BAZ2B: variants seen among roughly 807,000 people sequenced by gnomAD.
BAZ2B encodes the protein bromodomain adjacent to zinc finger domain protein 2B.
Under a neutral mutation model 246.0 loss-of-function variants are expected in BAZ2B, and 91 were observed. The ratio of observed to expected loss-of-function variants is 0.37; its 90% CI spans 0.31 to 0.44. The LOEUF is 0.44. BAZ2B is among the 20% of genes least tolerant of loss of function. The pLI is 1.00. For synonymous variants in BAZ2B, 855 were observed against 860.0 expected, an observed-to-expected ratio of 0.99 and a Z score of 0.10; for missense variants, 2,332 against 2,533.7, an observed-to-expected ratio of 0.92 and a Z score of 1.71.
chr2:159,488,163 C>T (rs540227906), intron 2 of BAZ2B, among the ~76,000 whole-genome samples: 2 of 152,116 alleles, frequency 1.3e-5, no homozygotes, highest in African/African-American at 2.4e-5. Flanking sequence ...ATCTCCACCT[C>T]CTGGGTTCCA....
chr2:159,599,851 G>C (rs1396806685), intron 1 of BAZ2B, among the ~76,000 whole-genome samples: 2 of 150,676 alleles, frequency 1.3e-5, no homozygotes, highest in Non-Finnish European at 3.0e-5. Context: ...CAGGAGAATG[G>C]CGTGAACCCG....
At chr2:159,487,432 T>C (rs556712644) in intron 2 of BAZ2B, among the ~76,000 whole-genome samples, 1 of 152,220 alleles carries the variant, frequency 6.6e-6, no homozygotes, top group Non-Finnish European at 1.5e-5. Flanking sequence ...CTCCAGTTCT[T>C]AATAACATGG....
chr2:159,602,621 G>C (rs1398810170), intron 1 of BAZ2B, among the ~76,000 whole-genome samples: 1 of 152,078 alleles, frequency 6.6e-6, no homozygotes, highest in Non-Finnish European at 1.5e-5. Context: ...TAAGTTGTAG[G>C]ATTGAAACAG....
intron 2 of BAZ2B, among the ~76,000 whole-genome samples, chr2:159,541,278 T>C (rs1362664295): frequency 1.3e-5 from 2 of 151,338 alleles, no homozygotes; most frequent in Admixed American, 1.3e-4. Context: ...ATTATTATTA[T>C]TATTATTATT....
chr2:159,454,424 C>T (rs1213280360), intron 3 of BAZ2B, among the ~76,000 whole-genome samples: 1 of 152,194 alleles, frequency 6.6e-6, no homozygotes, highest in Admixed American at 6.5e-5. Context: ...CAGTCTACCA[C>T]ACACCTAGGC....
At chr2:159,332,356 G>C (rs559649331) in intron 34 of BAZ2B, among the ~76,000 whole-genome samples, 184 bp downstream of exon 34, 1 of 151,700 alleles carries the variant, frequency 6.6e-6, no homozygotes, top group Admixed American at 6.6e-5. Flanking sequence ...TGGGTGCAGT[G>C]CACACCTGTA....
rs751606195 is a variant in BAZ2B, at chr2:159,433,050, T to C, written c.1607A>G (p.Asn536Ser). 5.0e-6 allele frequency: 8 copies of C among 1,614,078 alleles called. No homozygotes were observed. In the South Asian group the frequency reaches 5.5e-5, roughly 11 times the overall value. ...ASSTPFSSPV[N>S]LSTSGRRTPG... ...GGTTCTTCTCCCACTTGTACTCAGA[T>C]TTACAGGTGAGGAAAAAGGGGTGCT... Residue 536 changes from asparagine (N) to serine (S), a missense_variant, in exon 9 of 37, where the codon AAT (asparagine) becomes AGT (serine). Physicochemically the swap from Asn to Ser is conservative, Grantham distance 46. Coordinates refer to ENST00000392783, the MANE Select transcript of BAZ2B (RefSeq NM_013450.4).
intron 13 of BAZ2B, among the ~76,000 whole-genome samples, chr2:159,417,849 C>A (rs919761762): frequency 1.3e-5 from 2 of 152,136 alleles, no homozygotes; most frequent in African/African-American, 2.4e-5. Context: ...TAGGACCACA[C>A]CCTCAGTAAT....
upstream of BAZ2B, among the ~76,000 whole-genome samples, chr2:159,618,116 T>C (rs542616196): frequency 6.6e-6 from 1 of 152,368 alleles, no homozygotes; most frequent in South Asian, 2.1e-4. Context: ...ATTGATTTTT[T>C]TTCCCTGCCA....
intron 13 of BAZ2B, among the ~76,000 whole-genome samples, chr2:159,425,870 T>G (rs2069741817): frequency 6.6e-6 from 1 of 152,232 alleles, no homozygotes; most frequent in Non-Finnish European, 1.5e-5. Context: ...GTTAACCATA[T>G]GCTTAAACCT....
intron 23 of BAZ2B, among the ~76,000 whole-genome samples, chr2:159,384,443 C>G (rs2062384128): frequency 6.6e-6 from 1 of 151,990 alleles, no homozygotes; most frequent in Admixed American, 6.6e-5. Flanking sequence ...AATTTCCACA[C>G]TGGTAGAAAT....
intron 36 of BAZ2B, among the ~76,000 whole-genome samples, chr2:159,323,203 T>C (rs1305577133): frequency 9.9e-5 from 15 of 152,024 alleles, no homozygotes; most frequent in Admixed American, 9.8e-4. Flanking sequence ...CAGGCTGGTC[T>C]TGAACTCCTG....
chr2:159,637,799 C>A, the BAZ2B span, among the ~76,000 whole-genome samples: 1 of 152,162 alleles, frequency 6.6e-6, no homozygotes, highest in Non-Finnish European at 1.5e-5. Flanking sequence ...TGAGCTCAAG[C>A]AATCCATCTA....
At chr2:159,618,049 T>A (rs148392902), upstream of BAZ2B, among the ~76,000 whole-genome samples, 9 of 152,356 alleles carry the variant, frequency 5.9e-5, no homozygotes, top group East Asian at 1.7e-3. Flanking sequence ...ATTATTTTTG[T>A]AGTAGTTTAT....
rs557663465 is a variant in BAZ2B, at chr2:159,430,963, T to A, written c.2094A>T (p.Ala698=). The A allele has an allele frequency of 6.2e-7, 1 of 1,614,034 alleles. No homozygotes were observed. Among genetic ancestry groups the A allele is most frequent in the South Asian group, 1.1e-5 (1 of 91,082 alleles). ...CAGCAGGAGCAGAGCCTGGGGCTTT[T>A]GCTATGTGGAGGTTACGAGGTGTTG... is the stretch of plus-strand genomic sequence containing the variant. The part of the protein sequence containing the change: ...GHSTPRNLHI[A]KAPGSAPAAL... The change falls in exon 10 of 37, where the codon GCA becomes GCT. Residue 698 remains alanine, a synonymous_variant. Coordinates refer to ENST00000392783, the MANE Select transcript of BAZ2B (RefSeq NM_013450.4).
chr2:159,654,927 T>C, the BAZ2B span, among the ~76,000 whole-genome samples: 1 of 152,116 alleles, frequency 6.6e-6, no homozygotes, highest in Non-Finnish European at 1.5e-5. Flanking sequence ...TAAAAAGACA[T>C]GTAAAATAGC....
intron 2 of BAZ2B, among the ~76,000 whole-genome samples, chr2:159,487,373 C>CT (rs2079957194): frequency 1.3e-5 from 2 of 152,072 alleles, no homozygotes; most frequent in Admixed American, 1.3e-4. Context: ...GGTCCCAGTG[C>CT]TTTTTTAAAA....
the BAZ2B span, among the ~76,000 whole-genome samples, chr2:159,704,233 T>C: frequency 3.9e-5 from 6 of 152,232 alleles, no homozygotes; most frequent in East Asian, 9.6e-4. Flanking sequence ...ATTATTATGA[T>C]ATACAAAAGT....
At chr2:159,486,022 G>A (rs1186964002) in intron 2 of BAZ2B, among the ~76,000 whole-genome samples, 1 of 151,956 alleles carries the variant, frequency 6.6e-6, no homozygotes, top group Non-Finnish European at 1.5e-5. Flanking sequence ...AGCTATCTGT[G>A]GGGAAGACGT....
Sources: allele counts gnomAD v4.1 joint callset (sites outside exome capture counted in the v4.1 genomes callset), GRCh38; gene constraint gnomAD v4.1.1; transcripts MANE v1.5; gene names NCBI Gene and HGNC (gene_info 2026-07-23, HGNC 2026-07-21).